Variants in SGCZ observed in about 807,000 individuals in gnomAD.
The protein encoded by SGCZ is zeta-sarcoglycan.
SGCZ carries 40 observed loss-of-function variants against 41.3 expected under a neutral mutation model. The ratio of observed to expected loss-of-function variants is 0.97; its 90% CI spans 0.75 to 1.26. The LOEUF (loss-of-function observed/expected upper bound fraction) is 1.26. Among genes scored for constraint, SGCZ ranks in the 50% most tolerant of loss-of-function variants. The pLI is 0.00. For synonymous variants in SGCZ, 206 were observed against 137.5 expected, an observed-to-expected ratio of 1.50 and a Z score of -3.49; for missense variants, 552 against 369.8, an observed-to-expected ratio of 1.49 and a Z score of -4.04.
intron 7 of SGCZ, among the ~76,000 whole-genome samples, chr8:14,090,994 TC>T (rs1378931001): frequency 6.6e-6 from 1 of 151,720 alleles, no homozygotes; most frequent in Non-Finnish European, 1.5e-5. Flanking sequence ...CCCCGTCACA[TC>T]CCCCTGACAG....
rs138398685 is a variant in SGCZ at position 15,044,599 on chromosome 8, C to T, written c.39+192986G>A. Among the ~76,000 whole-genome samples the T allele has an allele frequency of 1.7e-3, 259 of 152,130 alleles. 1 individual carries two copies. Among genetic ancestry groups the T allele is most frequent in the African/African-American group, 5.8e-3 (241 of 41,516 alleles). On this transcript the variant is annotated intron_variant, in intron 1 of 7. Coordinates refer to ENST00000382080, the MANE Select transcript of SGCZ (RefSeq NM_139167.4). ...ACTTTTATTAGGATTGTGTAAGATG[C>T]AGTAAAACTCATAATTGTGTTCAAT...
At chr8:14,819,698 T>C (rs1332846338) in intron 1 of SGCZ, among the ~76,000 whole-genome samples, 2 of 151,976 alleles carry the variant, frequency 1.3e-5, no homozygotes, top group Admixed American at 1.3e-4. Flanking sequence ...AACAGATAAA[T>C]AAGTAAATTA....
intron 1 of SGCZ, among the ~76,000 whole-genome samples, chr8:14,688,343 C>G (rs1471748334): frequency 6.6e-6 from 1 of 152,122 alleles, no homozygotes; most frequent in Non-Finnish European, 1.5e-5. Context: ...AAGTTTATGT[C>G]TTTAATCCAT....
Position 14,231,160 on chromosome 8 carries a change from A to AGTGTGTGTGTGTGTGTGTGT in SGCZ, c.424+6412_424+6431dup, listed in dbSNP as rs71209027. On this transcript the variant is annotated intron_variant, in intron 4 of 7. Coordinates refer to ENST00000382080, the MANE Select transcript of SGCZ (RefSeq NM_139167.4). ...TTTCCTTGCTTTGATTCTTTGGGCA[A>AGTGTGTGTGTGTGTGTGTGT]GTGTGTGTGTGTGTGTGTGTGTGTG... 4.1e-3 allele frequency among the ~76,000 whole-genome samples: 458 copies of AGTGTGTGTGTGTGTGTGTGT among 112,074 alleles called. 10 individuals carry two copies. Among genetic ancestry groups the AGTGTGTGTGTGTGTGTGTGT allele is most frequent in the African/African-American group, 6.4e-3 (180 of 27,940 alleles). 73.5% of individuals were successfully genotyped at this position (112,074 alleles called of 152,430 possible). A position where few individuals can be genotyped will look rare whatever the true frequency, so the allele number is the denominator to read the frequency against.
chr8:14,464,507 C>A (rs753704528), intron 2 of SGCZ, among the ~76,000 whole-genome samples: 1 of 131,980 alleles, frequency 7.6e-6, no homozygotes, highest in Non-Finnish European at 1.6e-5. Flanking sequence ...TTTTTTAGTT[C>A]ATCTAGCTGT....
At chr8:14,098,585 C>A (rs1232283941) in intron 7 of SGCZ, among the ~76,000 whole-genome samples, 1 of 152,070 alleles carries the variant, frequency 6.6e-6, no homozygotes, top group South Asian at 2.1e-4. Flanking sequence ...TCTGAAAATG[C>A]CAAAAGTATT....
chr8:14,344,767 A>T (rs17119115), intron 2 of SGCZ, among the ~76,000 whole-genome samples: 1,925 of 152,192 alleles, frequency 0.013, 39 homozygotes, highest in African/African-American at 0.039. Context: ...TATACATGAG[A>T]CCAGCTACAA....
chr8:14,424,223 G>T (rs1799713919), intron 2 of SGCZ, among the ~76,000 whole-genome samples: 1 of 152,096 alleles, frequency 6.6e-6, no homozygotes, highest in South Asian at 2.1e-4. Context: ...AGTAGTAGAA[G>T]ACACTATGAT....
At chr8:14,872,793 T>C (rs2130706181) in intron 1 of SGCZ, among the ~76,000 whole-genome samples, 1 of 152,294 alleles carries the variant, frequency 6.6e-6, no homozygotes, top group African/African-American at 2.4e-5. Context: ...AATATGGCTA[T>C]ACTATTTTAT....
intron 2 of SGCZ, among the ~76,000 whole-genome samples, chr8:14,342,860 GC>G (rs1802759024): frequency 6.6e-6 from 1 of 152,188 alleles, no homozygotes; most frequent in Non-Finnish European, 1.5e-5. Flanking sequence ...GGCCATGACA[GC>G]GACCTTCACC....
At chr8:14,927,313 G>A (rs1205646560) in intron 1 of SGCZ, among the ~76,000 whole-genome samples, 1 of 151,770 alleles carries the variant, frequency 6.6e-6, no homozygotes, top group Non-Finnish European at 1.5e-5. Context: ...GTTTCACAGT[G>A]TTAGCCAGGA....
At chr8:14,904,643 G>C (rs1178073774) in intron 1 of SGCZ, among the ~76,000 whole-genome samples, 2 of 151,850 alleles carry the variant, frequency 1.3e-5, no homozygotes, top group African/African-American at 4.8e-5. Flanking sequence ...TTTATTGAGG[G>C]TTTTAGTGAA....
At chr8:14,353,860 A>G (rs1358932628) in intron 2 of SGCZ, among the ~76,000 whole-genome samples, 6 of 152,092 alleles carry the variant, frequency 3.9e-5, no homozygotes, top group Non-Finnish European at 1.5e-5. Context: ...CCTTGATTTC[A>G]TTATGTTCAT....
At chr8:15,097,733 A>T (rs868685762) in intron 1 of SGCZ, among the ~76,000 whole-genome samples, 5,653 of 110,222 alleles carry the variant, frequency 0.051, 164 homozygotes, top group Non-Finnish European at 0.071. Context: ...TATAAAAAAA[A>T]AAATATATAT....
intron 1 of SGCZ, among the ~76,000 whole-genome samples, chr8:14,754,877 A>T (rs1282250344): frequency 6.6e-6 from 1 of 152,026 alleles, no homozygotes; most frequent in Admixed American, 6.6e-5. Context: ...GTGCACCACC[A>T]CACCCAGCTT....
At chr8:14,442,725 T>A (rs555223515) in intron 2 of SGCZ, among the ~76,000 whole-genome samples, 1 of 152,168 alleles carries the variant, frequency 6.6e-6, no homozygotes, top group Non-Finnish European at 1.5e-5. Context: ...TTCTCCAACA[T>A]CTTCTGATTT....
chr8:14,910,526 C>T (rs938628094), intron 1 of SGCZ, among the ~76,000 whole-genome samples: 2 of 151,528 alleles, frequency 1.3e-5, no homozygotes, highest in Admixed American at 1.3e-4. Context: ...AAAACATTCC[C>T]AAAATTCTGG....
At chr8:14,355,834 T>C (rs892281261) in intron 2 of SGCZ, among the ~76,000 whole-genome samples, 2 of 152,074 alleles carry the variant, frequency 1.3e-5, no homozygotes, top group Non-Finnish European at 1.5e-5. Context: ...AATTCCCTGG[T>C]CTAGTGTCAG....
intron 1 of SGCZ, among the ~76,000 whole-genome samples, chr8:14,967,090 G>C (rs950437914): frequency 6.6e-6 from 1 of 152,152 alleles, no homozygotes; most frequent in African/African-American, 2.4e-5. Flanking sequence ...TTAGCTCACA[G>C]ACTTGTAGGC....
Sources: gnomAD v4.1 joint callset for allele counts (sites outside exome capture counted in the v4.1 genomes callset) on GRCh38, gnomAD v4.1.1 for gene constraint, MANE v1.5 for transcripts, NCBI Gene and HGNC (gene_info 2026-07-23, HGNC 2026-07-21) for gene names.